The following TNRC6B variants were observed in gnomAD, a reference collection of about 807,000 sequenced individuals.
TNRC6B encodes the protein trinucleotide repeat containing adaptor 6B.
TNRC6B carries 52 observed loss-of-function variants against 203.6 expected under a neutral mutation model. That is an observed-to-expected ratio of 0.26 (90% CI 0.20 to 0.32). The LOEUF (loss-of-function observed/expected upper bound fraction) is 0.32, where lower values mean the gene tolerates loss of function less well. Ranked by LOEUF, TNRC6B falls within the 10% of genes least tolerant of loss-of-function variation. The probability of loss-of-function intolerance (pLI) is 1.00; values close to 1 mark genes in which losing one functional copy is unlikely to be tolerated. For synonymous variants in TNRC6B, 838 were observed against 845.7 expected (o/e 0.99, Z 0.16); for missense variants, 1,923 against 2,286.2 (o/e 0.84, Z 3.24).
chr22:40,270,619 G>A (rs1289661443), intron 6 of TNRC6B, among the ~76,000 whole-genome samples: 2 of 151,952 alleles, frequency 1.3e-5, no homozygotes, highest in African/African-American at 4.8e-5. Context: ...TGCCCGGCCG[G>A]GATTCTTTGT....
Position 40,270,693 on chromosome 22 carries a change from G to A in TNRC6B, c.2965+413G>A, listed in dbSNP as rs114760897. 3.1e-3 allele frequency among the ~76,000 whole-genome samples: 473 copies of A among 152,260 alleles called. 2 individuals carry two copies. Among genetic ancestry groups the A allele is most frequent in the African/African-American group, 0.011 (454 of 41,556 alleles). ...TTTGGTGAGGGCTGTTTAGTTTTAA[G>A]CTGTTGATTCAATGAGATTCAGGAC... is the stretch of plus-strand genomic sequence containing the variant. On this transcript the variant is annotated intron_variant, in intron 6 of 22. Transcript: ENST00000454349.
At chr22:40,205,233 TAATA>T (rs1281211381) in intron 1 of TNRC6B, among the ~76,000 whole-genome samples, 1 of 152,230 alleles carries the variant, frequency 6.6e-6, no homozygotes, top group African/African-American at 2.4e-5. Flanking sequence ...AGTAGAAGTT[TAATA>T]AATATTTGTA....
At chr22:40,098,825 T>C (rs1321592247) in intron 1 of TNRC6B, among the ~76,000 whole-genome samples, 2 of 152,144 alleles carry the variant, frequency 1.3e-5, no homozygotes, top group African/African-American at 4.8e-5. Context: ...ACTCCTGGGC[T>C]CAAGTGATCC....
chr22:40,124,978 A>C (rs1244256339), intron 2 of TNRC6B, among the ~76,000 whole-genome samples: 1 of 151,774 alleles, frequency 6.6e-6, no homozygotes, highest in Non-Finnish European at 1.5e-5. Context: ...TCACCACTGC[A>C]CTGCAGCCTG....
chr22:40,266,835 G>T lies in TNRC6B; in HGVS notation c.2605G>T (p.Asp869Tyr). The T allele has an allele frequency of 6.2e-7, 1 of 1,613,952 alleles. No individual in the cohort carries two copies. Among genetic ancestry groups the T allele is most frequent in the Non-Finnish European group, 8.5e-7 (1 of 1,179,852 alleles). The part of the protein sequence containing the change: ...SSGPQPATPK[D>Y]EEPSGWEEPS... ...CGGGCCACAGCCTGCAACACCTAAG[G>T]ATGAGGAACCCAGTGGTTGGGAAGA... The change falls in exon 5 of 23, where the codon GAT becomes TAT. Residue 869 changes from aspartate (D) to tyrosine (Y), a missense_variant. This residue lies in a region of TNRC6B where 599 missense variants were observed against 656.5 expected (regional missense o/e 0.91). Transcript: ENST00000454349.
chr22:40,087,656 T>C (rs2068112064), intron 1 of TNRC6B, among the ~76,000 whole-genome samples: 1 of 152,102 alleles, frequency 6.6e-6, no homozygotes, highest in Non-Finnish European at 1.5e-5. Flanking sequence ...AAAGGAAAAG[T>C]AGGCATTGGC....
intron 1 of TNRC6B, among the ~76,000 whole-genome samples, chr22:40,113,170 AT>A (rs977211746): frequency 1.9e-4 from 29 of 152,300 alleles, no homozygotes; most frequent in African/African-American, 7.0e-4. Context: ...GCTAGAACAG[AT>A]TTTAAGGTTA....
At chr22:40,296,169 C>T (rs1040383786) in intron 12 of TNRC6B, among the ~76,000 whole-genome samples, 1 of 152,054 alleles carries the variant, frequency 6.6e-6, no homozygotes, top group African/African-American at 2.4e-5. Context: ...CGTAATGGGG[C>T]AGTCCTCTCT....
At chr22:40,155,671 C>G (rs992600518) in intron 3 of TNRC6B, among the ~76,000 whole-genome samples, 2 of 152,002 alleles carry the variant, frequency 1.3e-5, no homozygotes, top group Non-Finnish European at 2.9e-5. Flanking sequence ...ATACCCTTGT[C>G]AACACTTGGT....
intron 1 of TNRC6B, among the ~76,000 whole-genome samples, chr22:40,202,240 T>TGTG (rs1294615627): frequency 6.6e-5 from 10 of 151,280 alleles, no homozygotes; most frequent in African/African-American, 2.2e-4. Context: ...TAAATGTGTA[T>TGTG]GTGTTGTTGT....
chr22:40,313,114 A>G (rs2071208968), intron 19 of TNRC6B, 117 bp downstream of exon 19: 2 of 759,226 alleles, frequency 2.6e-6, no homozygotes, highest in Admixed American at 4.8e-5. Flanking sequence ...TCAGTAGCAT[A>G]GGTCAGTATA....
At chr22:40,295,590 C>G (rs2070928545) in intron 12 of TNRC6B, among the ~76,000 whole-genome samples, 1 of 151,760 alleles carries the variant, frequency 6.6e-6, no homozygotes, top group Non-Finnish European at 1.5e-5. Flanking sequence ...ACCGTGATGC[C>G]AAAGAATGAT....
chr22:40,168,672 TG>T (rs1294522814), intron 4 of TNRC6B, among the ~76,000 whole-genome samples: 1 of 152,270 alleles, frequency 6.6e-6, no homozygotes, highest in African/African-American at 2.4e-5. Context: ...CTGACTTTGT[TG>T]GGAGTAAGAA....
intron 2 of TNRC6B, 132 bp downstream of exon 2, chr22:40,246,234 G>C: frequency 1.6e-6 from 1 of 640,374 alleles, no homozygotes; most frequent in Non-Finnish European, 2.5e-6. Context: ...CTGTCACCTA[G>C]GCTGGAGTGC....
At chr22:40,102,734 T>A (rs2068250294) in intron 1 of TNRC6B, among the ~76,000 whole-genome samples, 1 of 151,866 alleles carries the variant, frequency 6.6e-6, no homozygotes, top group Non-Finnish European at 1.5e-5. Context: ...GGCCAGGAGT[T>A]AAGAGACCAG....
At chr22:40,271,764 C>A (rs374748765) in intron 6 of TNRC6B, among the ~76,000 whole-genome samples, 7 of 152,312 alleles carry the variant, frequency 4.6e-5, no homozygotes, top group Middle Eastern at 3.4e-3. Context: ...AAAATGTCTT[C>A]TACTCTTCAG....
At position 40,327,140 on chromosome 22, in the gene TNRC6B, G is replaced by C. The variant is rs963498006; in HGVS notation, c.*3899G>C. Reference sequence around the variant, plus strand: ...GAAACTCCAGCTCGACAGGTAAAGGGAGTGGGTGGGGTTGCTGCCTGCAAT... The same window carrying C: ...GAAACTCCAGCTCGACAGGTAAAGGCAGTGGGTGGGGTTGCTGCCTGCAAT... On this transcript the variant is annotated 3_prime_UTR_variant, in exon 23 of 23. Coordinates refer to ENST00000454349, the MANE Select transcript of TNRC6B (RefSeq NM_001162501.2). 6.5e-6 allele frequency: 1 copy of C among 153,100 alleles called. No individual in the cohort carries two copies. The highest frequency in any genetic ancestry group is 2.4e-5 in the African/African-American group (1 of 41,426). 9.5% of individuals were successfully genotyped at this position (153,100 alleles called of 1,614,324 possible).
chr22:40,073,245 G>C (rs73165033), intron 1 of TNRC6B, among the ~76,000 whole-genome samples: 6,398 of 151,156 alleles, frequency 0.042, 199 homozygotes, highest in Non-Finnish European at 0.065. Context: ...TCCTAGCTGA[G>C]AGTCTCAGAG....
chr22:40,264,434 A>C (rs191354545), intron 4 of TNRC6B, among the ~76,000 whole-genome samples: 1 of 152,340 alleles, frequency 6.6e-6, no homozygotes, highest in East Asian at 1.9e-4. Context: ...AGATACAAGA[A>C]GGCCCTTCTC....
Sources: allele counts gnomAD v4.1 joint callset (sites outside exome capture counted in the v4.1 genomes callset), GRCh38; gene constraint gnomAD v4.1.1; regional missense constraint gnomAD v4.1.1; transcripts MANE v1.5; gene names NCBI Gene and HGNC (gene_info 2026-07-23, HGNC 2026-07-21).